DMD: variants seen among roughly 807,000 people sequenced by gnomAD.
DMD encodes dystrophin, also known as mutant dystrophin.
In DMD, 63 loss-of-function variants were observed where a neutral mutation model predicts 330.1. That is an observed-to-expected ratio of 0.19 (90% CI 0.16 to 0.24). The LOEUF (loss-of-function observed/expected upper bound fraction) is 0.24. Ranked by LOEUF, DMD falls within the 10% of genes least tolerant of loss-of-function variation. The probability of loss-of-function intolerance (pLI) is 1.00; values close to 1 mark genes in which losing one functional copy is unlikely to be tolerated. For missense variants in DMD, 3,344 were observed against 2,684.1 expected (o/e 1.25, Z -5.43); for synonymous variants, 1,223 against 959.8 (o/e 1.27, Z -5.07).
rs766788104 is a variant in DMD at position 32,648,103 on chromosome X, T to G, written c.961-2951A>C. Reference sequence around the variant, plus strand: ...TAAACACTTTATGATTTATTGATATTTACACAGGATTGAATTTTGGAAGAA... The same window carrying G: ...TAAACACTTTATGATTTATTGATATGTACACAGGATTGAATTTTGGAAGAA... On this transcript the variant is annotated intron_variant, in intron 9 of 78. Transcript: ENST00000357033. 3.9e-4 allele frequency among the ~76,000 whole-genome samples: 44 copies of G among 111,905 alleles called. No individual in the cohort carries two copies. In the Admixed American group the frequency reaches 4.1e-3, roughly 10 times the overall value.
chrX:32,258,750 C>T (rs1209890984), intron 43 of DMD, among the ~76,000 whole-genome samples: 1 of 110,619 alleles, frequency 9.0e-6, no homozygotes, highest in Non-Finnish European at 1.9e-5. Context: ...CACCATGGAA[C>T]GTGTACACCT....
intron 7 of DMD, among the ~76,000 whole-genome samples, chrX:32,708,931 A>G (rs2064933726): frequency 8.9e-6 from 1 of 112,035 alleles, no homozygotes; most frequent in South Asian, 3.7e-4. Context: ...GAACTAATCC[A>G]AAGTTTTCAG....
intron 48 of DMD, among the ~76,000 whole-genome samples, chrX:31,872,944 T>C (rs2093914986): frequency 9.0e-6 from 1 of 110,868 alleles, no homozygotes; most frequent in Admixed American, 9.6e-5. Flanking sequence ...ATCCTAGAAC[T>C]GATGGCTTCC....
chrX:31,255,769 CTTTTTTTTTT>C (rs146884145), intron 63 of DMD, among the ~76,000 whole-genome samples: 5 of 50,832 alleles, frequency 9.8e-5, no homozygotes, highest in African/African-American at 2.0e-4. Flanking sequence ...AATATCGTTA[CTTTTTTTTTT>C]TTTTTTTTTT....
chrX:33,136,030 T>C (rs1035701718), intron 1 of DMD, among the ~76,000 whole-genome samples: 2 of 111,431 alleles, frequency 1.8e-5, no homozygotes, highest in Non-Finnish European at 3.8e-5. Context: ...TTATAAAAAA[T>C]CAGGCTGGGT....
chrX:31,929,081 T>A (rs769342545), intron 47 of DMD, among the ~76,000 whole-genome samples: 11 of 112,299 alleles, frequency 9.8e-5, no homozygotes, highest in African/African-American at 3.5e-4. Context: ...TAAATAGTAT[T>A]ACTGTTAGAT....
chrX:31,459,893 T>C (rs1352572681), intron 59 of DMD, among the ~76,000 whole-genome samples: 1 of 112,281 alleles, frequency 8.9e-6, no homozygotes, highest in Non-Finnish European at 1.9e-5. Flanking sequence ...TAATGTACAC[T>C]TGATTTGAGT....
intron 44 of DMD, among the ~76,000 whole-genome samples, chrX:32,179,912 C>A (rs962621967): frequency 1.8e-5 from 2 of 111,911 alleles, no homozygotes; most frequent in Non-Finnish European, 3.8e-5. Context: ...GATTGTGAGG[C>A]CTCCCTAGTC....
At chrX:32,739,699 T>TGGAAA (rs2148162044) in intron 7 of DMD, among the ~76,000 whole-genome samples, 1 of 111,645 alleles carries the variant, frequency 9.0e-6, no homozygotes, top group East Asian at 2.9e-4. Context: ...AAAGTACCAC[T>TGGAAA]GTTGAAGTGT....
chrX:31,891,881 A>G (rs941473339), intron 47 of DMD, among the ~76,000 whole-genome samples: 9 of 112,185 alleles, frequency 8.0e-5, no homozygotes, highest in African/African-American at 2.6e-4. Flanking sequence ...AGTGCAGTAC[A>G]GGGCTTCAAT....
intron 1 of DMD, among the ~76,000 whole-genome samples, chrX:33,188,083 G>A (rs2050347032): frequency 9.0e-6 from 1 of 110,885 alleles, no homozygotes; most frequent in Non-Finnish European, 1.9e-5. Flanking sequence ...GAGAACTGGA[G>A]TCTCACTTTC....
chrX:32,908,896 T>A (rs890253327), intron 2 of DMD, among the ~76,000 whole-genome samples: 1 of 111,092 alleles, frequency 9.0e-6, no homozygotes, highest in Non-Finnish European at 1.9e-5. Flanking sequence ...ATTGTCATGG[T>A]ATGTGAACTG....
At chrX:31,870,967 T>C (rs10521981) in intron 48 of DMD, among the ~76,000 whole-genome samples, 28,025 of 111,055 alleles carry the variant, frequency 0.25, 2,817 homozygotes, top group African/African-American at 0.36. Flanking sequence ...GTCAGATAAA[T>C]AGTATACCTC....
At chrX:32,713,418 G>A (rs2065376423) in intron 7 of DMD, among the ~76,000 whole-genome samples, 2 of 111,111 alleles carry the variant, frequency 1.8e-5, no homozygotes, top group Non-Finnish European at 3.8e-5. Context: ...GAAAGCTGGG[G>A]AAATTTCTCT....
intron 9 of DMD, among the ~76,000 whole-genome samples, chrX:32,686,578 AAAAAG>A (rs1209272291): frequency 4.5e-4 from 47 of 105,617 alleles, no homozygotes; most frequent in African/African-American, 1.2e-3. Context: ...AAAAAAAAAA[AAAAAG>A]AAAAGAAAAG....
At chrX:31,522,363 C>CTCTCTCTCTATATATATATATATATATA in intron 55 of DMD, among the ~76,000 whole-genome samples, 8 of 35,956 alleles carry the variant, frequency 2.2e-4, no homozygotes, top group Admixed American at 4.2e-4. Flanking sequence ...CTCTCTCTCT[C>CTCTCTCTCTATATATATATATATATATA]TATATATATA....
intron 53 of DMD, among the ~76,000 whole-genome samples, chrX:31,667,245 G>A (rs1446596545): frequency 8.9e-6 from 1 of 111,785 alleles, no homozygotes; most frequent in Non-Finnish European, 1.9e-5. Flanking sequence ...TCATGTTACA[G>A]TGCATATCAG....
chrX:33,216,920 T>C (rs1347127481), intron 1 of DMD, among the ~76,000 whole-genome samples: 2 of 111,574 alleles, frequency 1.8e-5, no homozygotes. Flanking sequence ...CCTAAAGGCA[T>C]TATTTTATAT....
At chrX:31,507,199 C>A in intron 56 of DMD, 82 bp downstream of exon 56, 2 of 926,310 alleles carry the variant, frequency 2.2e-6, no homozygotes, top group Non-Finnish European at 3.1e-6. Context: ...ATGTGAGATA[C>A]CAGTTACTTG....
Sources: gnomAD v4.1 joint callset for allele counts (sites outside exome capture counted in the v4.1 genomes callset) on GRCh38, gnomAD v4.1.1 for gene constraint, MANE v1.5 for transcripts, NCBI Gene and HGNC (gene_info 2026-07-23, HGNC 2026-07-21) for gene names.